The following GAS2 variants were observed in gnomAD, a reference collection of about 807,000 sequenced individuals.
GAS2 encodes the protein growth arrest-specific protein 2.
GAS2 carries 20 observed loss-of-function variants against 37.5 expected under a neutral mutation model. The observed-to-expected ratio is 0.53, with a 90% CI of 0.37 to 0.77. The LOEUF is 0.77. Ranked by LOEUF, GAS2 falls within the 30% of genes least tolerant of loss-of-function variation. The pLI is 0.00. For missense variants in GAS2, 336 were observed against 373.4 expected (o/e 0.90, Z 0.82); for synonymous variants, 144 against 132.2 (o/e 1.09, Z -0.61).
chr11:22,711,174 C>T (rs533094672), intron 3 of GAS2, among the ~76,000 whole-genome samples: 2 of 152,158 alleles, frequency 1.3e-5, no homozygotes, highest in Non-Finnish European at 2.9e-5. Flanking sequence ...GGAAAAGTCA[C>T]CCTCTAAACA....
intron 7 of GAS2, among the ~76,000 whole-genome samples, chr11:22,794,323 C>G (rs1856325745): frequency 6.6e-6 from 1 of 152,122 alleles, no homozygotes; most frequent in African/African-American, 2.4e-5. Flanking sequence ...CCTTTCCACT[C>G]TTATTTTCCC....
intron 7 of GAS2, among the ~76,000 whole-genome samples, chr11:22,805,242 T>G (rs1359126024): frequency 6.6e-6 from 1 of 152,248 alleles, no homozygotes; most frequent in Middle Eastern, 3.4e-3. Context: ...TTTGTTTAAA[T>G]TGACAGATAA....
At chr11:22,745,118 C>CAAAAAAAAA (rs142582542) in intron 5 of GAS2, among the ~76,000 whole-genome samples, 3 of 129,024 alleles carry the variant, frequency 2.3e-5, no homozygotes, top group South Asian at 2.6e-4. Context: ...CATTTGGAAC[C>CAAAAAAAAA]AAAAAAAAAA....
chr11:22,695,249 G>C (rs765196175), intron 3 of GAS2, among the ~76,000 whole-genome samples: 44 of 152,100 alleles, frequency 2.9e-4, no homozygotes, highest in Non-Finnish European at 5.3e-4. Flanking sequence ...GAACCTGGGA[G>C]GCGGAGGTTG....
intron 7 of GAS2, among the ~76,000 whole-genome samples, chr11:22,792,974 G>A (rs1856242383): frequency 6.6e-6 from 1 of 152,162 alleles, no homozygotes; most frequent in Admixed American, 6.5e-5. Context: ...GACAAAAACA[G>A]GGATTACAAA....
intron 1 of GAS2, among the ~76,000 whole-genome samples, chr11:22,643,318 A>G (rs1346010898): frequency 6.6e-6 from 1 of 152,134 alleles, no homozygotes; most frequent in Non-Finnish European, 1.5e-5. Context: ...TTCAATGCCC[A>G]GAATCTGAGC....
At chr11:22,750,361 C>A (rs1324617643) in intron 6 of GAS2, among the ~76,000 whole-genome samples, 1 of 152,042 alleles carries the variant, frequency 6.6e-6, no homozygotes, top group Non-Finnish European at 1.5e-5. Flanking sequence ...GTGACACGAT[C>A]AACTATATTG....
At chr11:22,769,782 T>C (rs1590110949) in intron 7 of GAS2, among the ~76,000 whole-genome samples, 1 of 152,222 alleles carries the variant, frequency 6.6e-6, no homozygotes, top group African/African-American at 2.4e-5. Context: ...AGTTAACCTC[T>C]CTAATTGTGA....
chr11:22,748,601 T>C (rs1268194602), intron 5 of GAS2, among the ~76,000 whole-genome samples: 3 of 152,116 alleles, frequency 2.0e-5, no homozygotes, highest in Non-Finnish European at 4.4e-5. Context: ...TGACATTGTA[T>C]AACCCATAGT....
chr11:22,713,888 A>C (rs995862246), intron 3 of GAS2, among the ~76,000 whole-genome samples: 1 of 152,212 alleles, frequency 6.6e-6, no homozygotes, highest in South Asian at 2.1e-4. Flanking sequence ...GAAATACACA[A>C]AAATAGAATG....
At chr11:22,718,104 G>T (rs1226844156) in intron 3 of GAS2, among the ~76,000 whole-genome samples, 1 of 152,062 alleles carries the variant, frequency 6.6e-6, no homozygotes, top group Non-Finnish European at 1.5e-5. Context: ...ATTTGATCCA[G>T]CAATCCCACT....
At chr11:22,749,985 A>T (rs548738155) in intron 6 of GAS2, among the ~76,000 whole-genome samples, 2 of 152,212 alleles carry the variant, frequency 1.3e-5, no homozygotes, top group African/African-American at 4.8e-5. Flanking sequence ...ATGTGTGTGC[A>T]TATGCCCTCC....
intron 7 of GAS2, among the ~76,000 whole-genome samples, chr11:22,780,037 A>T (rs1303839426): frequency 1.3e-5 from 2 of 152,280 alleles, no homozygotes; most frequent in East Asian, 3.9e-4. Context: ...CTCTCTTCCC[A>T]GTGTGGTGTA....
chr11:22,661,996 A>G (rs1330396095), upstream of GAS2, among the ~76,000 whole-genome samples: 1 of 152,186 alleles, frequency 6.6e-6, no homozygotes, highest in Non-Finnish European at 1.5e-5. Context: ...TAAAGTACGT[A>G]ATGTTTTTGT....
At chr11:22,734,061 G>A (rs1206862205) in intron 4 of GAS2, among the ~76,000 whole-genome samples, 1 of 151,526 alleles carries the variant, frequency 6.6e-6, no homozygotes, top group African/African-American at 2.4e-5. Context: ...TGCATGCTAG[G>A]GCTTTAGTAC....
At chr11:22,636,139 T>C (rs1197341627) in intron 1 of GAS2, among the ~76,000 whole-genome samples, 1 of 152,218 alleles carries the variant, frequency 6.6e-6, no homozygotes, top group Non-Finnish European at 1.5e-5. Flanking sequence ...GTTTTCCTGT[T>C]AAATTCCTGT....
intron 3 of GAS2, among the ~76,000 whole-genome samples, chr11:22,711,859 A>G (rs1851420524): frequency 6.6e-6 from 1 of 152,124 alleles, no homozygotes; most frequent in South Asian, 2.1e-4. Flanking sequence ...GCCCTGCCCA[A>G]GGAGAGTCTC....
At chr11:22,744,553 G>A (rs1350210614) in intron 5 of GAS2, among the ~76,000 whole-genome samples, 3 of 152,014 alleles carry the variant, frequency 2.0e-5, no homozygotes, top group Non-Finnish European at 2.9e-5. Flanking sequence ...AAAGCCATAT[G>A]ATCATCTGAT....
chr11:22,642,496 T>C (rs1467052752), intron 1 of GAS2, among the ~76,000 whole-genome samples: 1 of 152,112 alleles, frequency 6.6e-6, no homozygotes, highest in African/African-American at 2.4e-5. Context: ...TCTTATAAAC[T>C]TGTTTTTTCA....
Sources: allele counts gnomAD v4.1 joint callset (sites outside exome capture counted in the v4.1 genomes callset), GRCh38; gene constraint gnomAD v4.1.1; transcripts MANE v1.5; gene names NCBI Gene and HGNC (gene_info 2026-07-23, HGNC 2026-07-21).